SHROOM3: variants seen among roughly 807,000 people sequenced by gnomAD.
SHROOM3 encodes the protein protein Shroom3.
Under a neutral mutation model 138.6 loss-of-function variants are expected in SHROOM3, and 47 were observed. That is an observed-to-expected ratio of 0.34 (90% CI 0.27 to 0.43). The LOEUF is 0.43. Ranked by LOEUF, SHROOM3 falls within the 20% of genes least tolerant of loss-of-function variation. The probability of loss-of-function intolerance (pLI) is 1.00; values close to 1 mark genes in which losing one functional copy is unlikely to be tolerated. For synonymous variants in SHROOM3, 1,062 were observed against 1,063.3 expected, an observed-to-expected ratio of 1.00 and a Z score of 0.02; for missense variants, 2,491 against 2,596.5, an observed-to-expected ratio of 0.96 and a Z score of 0.88.
intron 2 of SHROOM3, among the ~76,000 whole-genome samples, chr4:76,608,202 A>G (rs1734662930): frequency 6.6e-6 from 1 of 152,204 alleles, no homozygotes; most frequent in Admixed American, 6.5e-5. Flanking sequence ...AAGAAGGCAC[A>G]ACACTTGCCT....
chr4:76,611,100 T>G (rs1360205468), intron 2 of SHROOM3, among the ~76,000 whole-genome samples: 2 of 152,178 alleles, frequency 1.3e-5, no homozygotes, highest in African/African-American at 2.4e-5. Flanking sequence ...TTTAACCATT[T>G]TAAGTGTATA....
At chr4:76,625,849 A>G (rs1443548746) in intron 2 of SHROOM3, among the ~76,000 whole-genome samples, 1 of 152,212 alleles carries the variant, frequency 6.6e-6, no homozygotes, top group East Asian at 1.9e-4. Flanking sequence ...ACTCTAAGCA[A>G]CTTGTGAGCA....
At chr4:76,516,814 A>G (rs1317483256) in intron 1 of SHROOM3, among the ~76,000 whole-genome samples, 2 of 152,088 alleles carry the variant, frequency 1.3e-5, no homozygotes, top group Non-Finnish European at 2.9e-5. Flanking sequence ...CCCAAGTCTC[A>G]TGAACAGGAA....
chr4:76,447,591 G>C (rs1252382568), intron 1 of SHROOM3, among the ~76,000 whole-genome samples: 1 of 152,008 alleles, frequency 6.6e-6, no homozygotes, highest in African/African-American at 2.4e-5. Context: ...AGAATGAGAA[G>C]GCAGAAAATA....
intron 1 of SHROOM3, among the ~76,000 whole-genome samples, chr4:76,543,794 G>C (rs1322746956): frequency 2.0e-5 from 3 of 152,184 alleles, no homozygotes; most frequent in African/African-American, 7.2e-5. Context: ...GCCCAGCCTA[G>C]AACTCAATGA....
At chr4:76,504,222 G>A (rs1229453065) in intron 1 of SHROOM3, among the ~76,000 whole-genome samples, 3 of 151,906 alleles carry the variant, frequency 2.0e-5, no homozygotes, top group Non-Finnish European at 2.9e-5. Flanking sequence ...GTAATGGCAC[G>A]ATCTCGGCTC....
In SHROOM3 at chr4:76,490,570, ATTAC is replaced by A. The variant is rs1273904562; in HGVS notation, c.168+54354_168+54357del. Among the ~76,000 whole-genome samples the A allele has an allele frequency of 2.0e-5, 3 of 152,096 alleles. No individual in the cohort carries two copies. In the East Asian group the frequency reaches 5.8e-4, roughly 29 times the overall value. On this transcript the variant is annotated intron_variant, in intron 1 of 10. Transcript: ENST00000296043. ...GCACCCGGCTGCTTCTGGTCCTTTTATTACTTAGGCATGAAAAGTTAGGGTTTTC... is the reference window on the plus strand; with the variant it reads ...GCACCCGGCTGCTTCTGGTCCTTTTATTAGGCATGAAAAGTTAGGGTTTTC...
At chr4:76,590,160 A>G (rs1192777829) in intron 2 of SHROOM3, among the ~76,000 whole-genome samples, 1 of 152,186 alleles carries the variant, frequency 6.6e-6, no homozygotes, top group African/African-American at 2.4e-5. Flanking sequence ...CAATGAAATG[A>G]ATTGGGTGTG....
intron 2 of SHROOM3, among the ~76,000 whole-genome samples, chr4:76,609,474 A>G (rs1469670973): frequency 1.3e-5 from 2 of 152,134 alleles, no homozygotes; most frequent in East Asian, 3.9e-4. Context: ...TTGGAGAGAT[A>G]GGGTCTTACT....
At chr4:76,596,921 T>C (rs903617165) in intron 2 of SHROOM3, among the ~76,000 whole-genome samples, 8 of 152,066 alleles carry the variant, frequency 5.3e-5, no homozygotes, top group African/African-American at 1.7e-4. Context: ...CACCTGACAC[T>C]CTCAGCCTTG....
At chr4:76,632,779 G>T (rs1735363703) in intron 2 of SHROOM3, among the ~76,000 whole-genome samples, 1 of 152,166 alleles carries the variant, frequency 6.6e-6, no homozygotes, top group Non-Finnish European at 1.5e-5. Context: ...TAGGAAATTT[G>T]ATCTGCTGTG....
Position 76,740,497 on chromosome 4 carries a change from G to A in SHROOM3, c.2324G>A (p.Gly775Glu), listed in dbSNP as rs1442388805. The A allele has an allele frequency of 1.2e-6, 2 of 1,613,252 alleles. No individual in the cohort carries two copies. The highest frequency in any genetic ancestry group is 1.7e-6 in the Non-Finnish European group (2 of 1,179,592). Reference sequence around the variant, plus strand: ...TCGGCTCTTCAGGGCTTTCAGTACGGGAAGCCCCACTGCTCGGTGCTGGAG... The same window carrying A: ...TCGGCTCTTCAGGGCTTTCAGTACGAGAAGCCCCACTGCTCGGTGCTGGAG... ...SASALQGFQY[G>E]KPHCSVLEKV... The change falls in exon 5 of 11, where the codon GGG becomes GAG. Residue 775 changes from glycine (G) to glutamate (E), a missense_variant. Gly to Glu is a moderately conservative substitution (Grantham distance 98). This residue lies in a region of SHROOM3 where 1,733 missense variants were observed against 1,661.6 expected (regional missense o/e 1.04). Coordinates refer to ENST00000296043, the MANE Select transcript of SHROOM3 (RefSeq NM_020859.4). This position sits in a 1 kb window ranked among gnomAD's most constrained non-coding sequence, Gnocchi z 4.0.
intron 9 of SHROOM3, among the ~76,000 whole-genome samples, chr4:76,767,243 G>C (rs1388584572): frequency 3.3e-5 from 5 of 152,168 alleles, no homozygotes; most frequent in Non-Finnish European, 7.4e-5. Flanking sequence ...GTGCCGGAGA[G>C]AGCTGTTGAC....
chr4:76,608,606 A>G (rs1443280076), intron 2 of SHROOM3, among the ~76,000 whole-genome samples: 2 of 127,198 alleles, frequency 1.6e-5, no homozygotes, highest in East Asian at 4.6e-4. Flanking sequence ...ATAGCATAGC[A>G]TAGCATTGGA....
chr4:76,568,553 G>A (rs1733774422), intron 2 of SHROOM3, among the ~76,000 whole-genome samples: 1 of 152,138 alleles, frequency 6.6e-6, no homozygotes, highest in Non-Finnish European at 1.5e-5. Flanking sequence ...TCCCCTCTGT[G>A]AAATGAGATC....
intron 2 of SHROOM3, among the ~76,000 whole-genome samples, chr4:76,682,643 A>C (rs532078886): frequency 2.1e-5 from 3 of 145,358 alleles, no homozygotes; most frequent in African/African-American, 7.7e-5. Context: ...GGTAAGAAGG[A>C]AAAAAAAAAA....
rs1721170808 is a variant in SHROOM3, at chr4:76,739,233, A to G, written c.1060A>G (p.Lys354Glu). 5.6e-6 allele frequency: 9 copies of G among 1,613,964 alleles called. No homozygotes were observed. The East Asian group carries it at 2.0e-4, about 36-fold the overall frequency. The change falls in exon 5 of 11, where the codon AAG (lysine) becomes GAG (glutamate). Residue 354 changes from lysine (K) to glutamate (E), a missense_variant. Physicochemically the swap from Lys to Glu is moderately conservative, Grantham distance 56. Coordinates refer to ENST00000296043, the MANE Select transcript of SHROOM3 (RefSeq NM_020859.4). Reference protein sequence around the residue: ...YDKWSNIPRGKGVPPPSWSQQ... With the variant: ...YDKWSNIPRGEGVPPPSWSQQ... Reference sequence around the variant, plus strand: ...TAAATGGTCTAATATTCCTCGGGGCAAGGGAGTGCCACCCCCATCCTGGAG... The same window carrying G: ...TAAATGGTCTAATATTCCTCGGGGCGAGGGAGTGCCACCCCCATCCTGGAG...
chr4:76,756,504 G>C lies in SHROOM3; in HGVS notation c.4765G>C (p.Ala1589Pro). 1 of 1,613,454 alleles carries C rather than the reference G, an allele frequency of 6.2e-7. No homozygotes were observed. Reference protein sequence around the residue: ...IARERHMPGAAHVVGSQTLAS... With the variant: ...IARERHMPGAPHVVGSQTLAS... Reference sequence around the variant, plus strand: ...AAGGGAAAGGCACATGCCTGGTGCAGCCCATGTGGTAGGTAGTCAGACACT... The same window carrying C: ...AAGGGAAAGGCACATGCCTGGTGCACCCCATGTGGTAGGTAGTCAGACACT... The change falls in exon 8 of 11, where the codon GCC becomes CCC. Residue 1589 changes from alanine (A) to proline (P), a missense_variant. Physicochemically the swap from Ala to Pro is conservative, Grantham distance 27 (BLOSUM62 -1). Transcript: ENST00000296043.
At chr4:76,731,537 T>TA (rs1189032393) in intron 4 of SHROOM3, among the ~76,000 whole-genome samples, 1 of 152,152 alleles carries the variant, frequency 6.6e-6, no homozygotes, top group Non-Finnish European at 1.5e-5. Context: ...TCCCAGCACT[T>TA]TGGGAGGCCA....
Sources: gnomAD v4.1 joint callset for allele counts (sites outside exome capture counted in the v4.1 genomes callset) on GRCh38, gnomAD v4.1.1 for gene constraint, gnomAD v4.1.1 regional missense constraint, Gnocchi (gnomAD v3.1) non-coding constraint, MANE v1.5 for transcripts, NCBI Gene and HGNC (gene_info 2026-07-23, HGNC 2026-07-21) for gene names.